Variants in ANKIB1 observed in about 807,000 individuals in gnomAD.
The protein encoded by ANKIB1 is ankyrin repeat and IBR domain containing 1, also known as ankyrin repeat and IBR domain-containing protein 1.
A neutral mutation model predicts 122.1 loss-of-function variants in ANKIB1; 43 were observed. That is an observed-to-expected ratio of 0.35 (90% CI 0.28 to 0.45). ANKIB1 has a LOEUF of 0.45. Among genes scored for constraint, ANKIB1 ranks in the 20% least tolerant of loss-of-function variants. ANKIB1 has a pLI of 1.00. For synonymous variants in ANKIB1, 390 were observed against 442.0 expected (o/e 0.88, Z 1.48); for missense variants, 992 against 1,329.5 (o/e 0.75, Z 3.95).
chr7:92,370,508 C>CA (rs34318038), intron 10 of ANKIB1, among the ~76,000 whole-genome samples: 2,527 of 32,898 alleles, frequency 0.077, 579 homozygotes, highest in Non-Finnish European at 0.11. Context: ...ACTCTTGTCT[C>CA]AAAAAAAAAA....
chr7:92,260,288 A>G (rs1801537732), intron 1 of ANKIB1, among the ~76,000 whole-genome samples: 1 of 152,156 alleles, frequency 6.6e-6, no homozygotes, highest in Admixed American at 6.5e-5. Flanking sequence ...CACACAGGGT[A>G]TGCTCCTATG....
intron 7 of ANKIB1, among the ~76,000 whole-genome samples, chr7:92,350,122 A>G (rs1803627256): frequency 6.6e-6 from 1 of 151,524 alleles, no homozygotes; most frequent in South Asian, 2.1e-4. Context: ...ACTCAAGTAT[A>G]CCTAAGTAGG....
chr7:92,339,142 T>C (rs531146237), intron 5 of ANKIB1, among the ~76,000 whole-genome samples: 15 of 144,942 alleles, frequency 1.0e-4, no homozygotes, highest in Non-Finnish European at 2.0e-4. Context: ...CCTGGGTTCA[T>C]GCCATTCTCC....
chr7:92,339,040 CT>C (rs1209380092), intron 5 of ANKIB1, among the ~76,000 whole-genome samples: 5,912 of 64,834 alleles, frequency 0.091, 127 homozygotes, highest in East Asian at 0.26. Flanking sequence ...CTTGAATTTT[CT>C]TTTTTTTTTT....
chr7:92,361,731 C>T (rs117418444), intron 9 of ANKIB1, among the ~76,000 whole-genome samples: 22 of 151,792 alleles, frequency 1.4e-4, no homozygotes, highest in Non-Finnish European at 2.6e-4. Flanking sequence ...TTTAGTGCCT[C>T]CATTGAAATG....
At chr7:92,305,675 A>T (rs767686324) in intron 2 of ANKIB1, among the ~76,000 whole-genome samples, 1 of 152,218 alleles carries the variant, frequency 6.6e-6, no homozygotes, top group East Asian at 1.9e-4. Flanking sequence ...GTTCCTGGGA[A>T]ACCAAATTGA....
At chr7:92,386,448 A>G in intron 11 of ANKIB1, 61 bp from the exon 12 acceptor site, 1 of 1,473,588 alleles carries the variant, frequency 6.8e-7, no homozygotes, top group Non-Finnish European at 9.0e-7. Context: ...TTGGCTATAA[A>G]GCAGAAAATA....
At chr7:92,261,830 G>A (rs1042317089) in intron 1 of ANKIB1, among the ~76,000 whole-genome samples, 8 of 152,092 alleles carry the variant, frequency 5.3e-5, no homozygotes, top group Admixed American at 2.6e-4. Flanking sequence ...TTTCATTTCA[G>A]GTATTTTGCG....
At chr7:92,330,565 G>C (rs924461566) in intron 5 of ANKIB1, among the ~76,000 whole-genome samples, 1 of 151,884 alleles carries the variant, frequency 6.6e-6, no homozygotes, top group African/African-American at 2.4e-5. Flanking sequence ...ATTTTTGGCC[G>C]GGCGCAGTGG....
intron 3 of ANKIB1, among the ~76,000 whole-genome samples, chr7:92,317,036 T>C (rs533371390): frequency 1.3e-5 from 2 of 152,198 alleles, no homozygotes. Context: ...GTCAGCTCTT[T>C]AGTTCTGCAG....
intron 3 of ANKIB1, among the ~76,000 whole-genome samples, chr7:92,308,320 G>T (rs1049065180): frequency 1.3e-5 from 2 of 152,042 alleles, no homozygotes; most frequent in Non-Finnish European, 2.9e-5. Flanking sequence ...AAGCACTATC[G>T]TATTTAGAGT....
At chr7:92,314,800 G>C (rs1222606373) in intron 3 of ANKIB1, among the ~76,000 whole-genome samples, 1 of 152,186 alleles carries the variant, frequency 6.6e-6, no homozygotes, top group Non-Finnish European at 1.5e-5. Flanking sequence ...TGTGAGAGGG[G>C]ACCCCAGACA....
chr7:92,312,666 G>T (rs1410689619), intron 3 of ANKIB1, among the ~76,000 whole-genome samples: 1 of 152,084 alleles, frequency 6.6e-6, no homozygotes, highest in Non-Finnish European at 1.5e-5. Context: ...ACAGAAACAG[G>T]CAGCAGGTTT....
chr7:92,361,585 G>A (rs1005044945), intron 9 of ANKIB1, among the ~76,000 whole-genome samples: 1 of 152,048 alleles, frequency 6.6e-6, no homozygotes, highest in African/African-American at 2.4e-5. Flanking sequence ...TGATTCAAAT[G>A]TTTTAAAGCT....
At chr7:92,309,942 A>ATATATATATATAT in intron 3 of ANKIB1, among the ~76,000 whole-genome samples, 1 of 91,790 alleles carries the variant, frequency 1.1e-5, no homozygotes, top group East Asian at 4.6e-4. Context: ...AAAAAAAAAA[A>ATATATATATATAT]ATATATATAT....
intron 5 of ANKIB1, among the ~76,000 whole-genome samples, chr7:92,342,612 A>C (rs955434845): frequency 1.3e-5 from 2 of 152,208 alleles, no homozygotes; most frequent in African/African-American, 2.4e-5. Context: ...TCTATAGTGA[A>C]CTATGTAATC....
In ANKIB1 at chr7:92,295,232, G is replaced by GA. The variant is rs201251086; in HGVS notation, c.188+74dup. On this transcript the variant is annotated intron_variant, in intron 2 of 19. Coordinates refer to ENST00000265742, the MANE Select transcript of ANKIB1 (RefSeq NM_019004.2). ...GTAAACTAATTGGTAACAAAGTGGT[G>GA]AAAAAAAAGGAACTATGATTTTTGA... 2.4e-4 allele frequency: 283 copies of GA among 1,166,502 alleles called. No individual in the cohort carries two copies. In the East Asian group the frequency reaches 5.3e-3, roughly 22 times the overall value. 72.3% of individuals were successfully genotyped at this position (1,166,502 alleles called of 1,614,324 possible). A position where few individuals can be genotyped will look rare whatever the true frequency, so the allele number is the denominator to read the frequency against.
intron 5 of ANKIB1, among the ~76,000 whole-genome samples, chr7:92,342,113 A>G (rs2131974798): frequency 6.6e-6 from 1 of 152,120 alleles, no homozygotes; most frequent in South Asian, 2.1e-4. Flanking sequence ...ATAAAATTTT[A>G]TAGAATGTGC....
intron 9 of ANKIB1, among the ~76,000 whole-genome samples, 168 bp downstream of exon 9, chr7:92,352,810 G>A: frequency 6.6e-6 from 1 of 152,118 alleles, no homozygotes; most frequent in African/African-American, 2.4e-5. Context: ...TGTGTGCTTA[G>A]TGTGTGCCAG....
Sources: gnomAD v4.1 joint callset for allele counts (sites outside exome capture counted in the v4.1 genomes callset) on GRCh38, gnomAD v4.1.1 for gene constraint, MANE v1.5 for transcripts, NCBI Gene and HGNC (gene_info 2026-07-23, HGNC 2026-07-21) for gene names.